SVOP: variants seen among roughly 807,000 people sequenced by gnomAD.
SVOP encodes the protein SV2 related protein, also known as synaptic vesicle 2-related protein.
A neutral mutation model predicts 69.1 loss-of-function variants in SVOP; 17 were observed. The ratio of observed to expected loss-of-function variants is 0.25; its 90% confidence interval spans 0.17 to 0.37. The LOEUF is 0.37. SVOP is among the 10% of genes least tolerant of loss of function. The pLI, the probability that SVOP is intolerant of heterozygous loss-of-function variation, is 1.00. For missense variants in SVOP, 435 were observed against 597.5 expected (o/e 0.73, Z 2.84); for synonymous variants, 238 against 238.6 (o/e 1.00, Z 0.02).
intron 10 of SVOP, among the ~76,000 whole-genome samples, chr12:108,934,658 A>G (rs572802743): frequency 1.3e-5 from 2 of 152,334 alleles, no homozygotes; most frequent in African/African-American, 4.8e-5. Flanking sequence ...CCTTGCTGAT[A>G]AAGCAGGTTG....
chr12:108,969,450 C>T (rs1383267435), intron 5 of SVOP, among the ~76,000 whole-genome samples: 2 of 150,664 alleles, frequency 1.3e-5, no homozygotes, highest in South Asian at 2.1e-4. Context: ...GGCACGATCT[C>T]GGCTCCTGAG....
chr12:108,990,270 C>T (rs2040192210), intron 1 of SVOP, among the ~76,000 whole-genome samples: 1 of 152,154 alleles, frequency 6.6e-6, no homozygotes, highest in Non-Finnish European at 1.5e-5. Context: ...CTACAAAGGA[C>T]ATGAACTCAT....
intron 5 of SVOP, among the ~76,000 whole-genome samples, chr12:108,964,850 C>T (rs569988208): frequency 2.6e-5 from 4 of 152,148 alleles, no homozygotes; most frequent in Non-Finnish European, 4.4e-5. Context: ...ATTGAGCATC[C>T]CCTTTATATA....
chr12:108,988,588 A>T (rs1055957817), intron 1 of SVOP, among the ~76,000 whole-genome samples: 2 of 152,098 alleles, frequency 1.3e-5, no homozygotes, highest in South Asian at 4.1e-4. Context: ...ATTGATCTGT[A>T]TGTCTATCCT....
intron 13 of SVOP, among the ~76,000 whole-genome samples, chr12:108,918,886 C>G (rs1029310632): frequency 6.6e-6 from 1 of 152,126 alleles, no homozygotes; most frequent in African/African-American, 2.4e-5. Context: ...GACTACAACC[C>G]CCATCAGAGA....
intron 1 of SVOP, among the ~76,000 whole-genome samples, chr12:108,999,655 A>T (rs879892654): frequency 6.1e-5 from 9 of 147,390 alleles, no homozygotes; most frequent in Non-Finnish European, 1.1e-4. Context: ...AGGATTAAGA[A>T]TCTCACTCAA....
intron 1 of SVOP, among the ~76,000 whole-genome samples, chr12:108,996,763 C>T (rs2040235049): frequency 6.6e-6 from 1 of 152,052 alleles, no homozygotes; most frequent in African/African-American, 2.4e-5. Context: ...AGACCTCCGT[C>T]TCTACAAAAA....
chr12:108,962,008 C>T (rs1282835969), intron 5 of SVOP, among the ~76,000 whole-genome samples: 2 of 152,134 alleles, frequency 1.3e-5, no homozygotes, highest in Non-Finnish European at 2.9e-5. Context: ...AGGCAGTTTC[C>T]TGTGCGGGCA....
intron 6 of SVOP, among the ~76,000 whole-genome samples, chr12:108,946,832 C>T (rs1229729533): frequency 1.3e-5 from 2 of 151,990 alleles, no homozygotes; most frequent in Non-Finnish European, 1.5e-5. Context: ...AATTCTCCCA[C>T]CTCAGCCTCC....
chr12:108,993,260 G>A (rs1174838441), intron 1 of SVOP, among the ~76,000 whole-genome samples: 4 of 151,586 alleles, frequency 2.6e-5, no homozygotes, highest in East Asian at 1.9e-4. Context: ...CACCTACCTC[G>A]GACTCCCAAA....
At chr12:109,011,933 A>G (rs978985260) in intron 1 of SVOP, among the ~76,000 whole-genome samples, 3 of 152,122 alleles carry the variant, frequency 2.0e-5, no homozygotes, top group Non-Finnish European at 4.4e-5. Flanking sequence ...TGGAATGGTG[A>G]TTACCAGGAG....
chr12:108,928,024 G>T (rs2039792315), intron 11 of SVOP, among the ~76,000 whole-genome samples: 1 of 151,728 alleles, frequency 6.6e-6, no homozygotes. Context: ...TCCTGACTTG[G>T]CCTCCCGAGT....
At chr12:108,964,384 C>T (rs1254207883) in intron 5 of SVOP, among the ~76,000 whole-genome samples, 4 of 151,796 alleles carry the variant, frequency 2.6e-5, no homozygotes, top group African/African-American at 9.7e-5. Context: ...CTTAAGCTAA[C>T]TTAATAGGGA....
intron 4 of SVOP, among the ~76,000 whole-genome samples, chr12:108,976,060 G>C (rs1371754228): frequency 6.6e-6 from 1 of 152,068 alleles, no homozygotes; most frequent in Non-Finnish European, 1.5e-5. Flanking sequence ...AAGTATCATG[G>C]ACTCAGCCCC....
intron 1 of SVOP, among the ~76,000 whole-genome samples, chr12:109,000,138 G>C (rs7134041): frequency 1.3e-5 from 2 of 151,996 alleles, no homozygotes; most frequent in African/African-American, 4.8e-5. Flanking sequence ...TATCAGCACC[G>C]ATCCCACAGA....
At chr12:108,918,407 C>T (rs2039727474) in intron 13 of SVOP, among the ~76,000 whole-genome samples, 1 of 152,214 alleles carries the variant, frequency 6.6e-6, no homozygotes, top group Non-Finnish European at 1.5e-5. Context: ...TAGTGGAAAG[C>T]TCAGACAGGA....
chr12:109,004,027 T>A (rs564110099), intron 1 of SVOP, among the ~76,000 whole-genome samples: 113 of 152,298 alleles, frequency 7.4e-4, no homozygotes, highest in Non-Finnish European at 1.3e-3. Context: ...ACCTTTGACA[T>A]TGAATTGTAC....
At chr12:108,973,261 G>T (rs1007764022) in intron 4 of SVOP, among the ~76,000 whole-genome samples, 1 of 152,230 alleles carries the variant, frequency 6.6e-6, no homozygotes, top group East Asian at 1.9e-4. Context: ...CCAGAGAGGG[G>T]AGGGCACAGA....
intron 5 of SVOP, among the ~76,000 whole-genome samples, chr12:108,964,797 C>T (rs897188984): frequency 6.6e-6 from 1 of 152,120 alleles, no homozygotes; most frequent in East Asian, 1.9e-4. Flanking sequence ...TAGCTCCTTC[C>T]TTCCTTCTTT....
Sources: allele counts gnomAD v4.1 joint callset (sites outside exome capture counted in the v4.1 genomes callset), GRCh38; gene constraint gnomAD v4.1.1; transcripts MANE v1.5; gene names NCBI Gene and HGNC (gene_info 2026-07-23, HGNC 2026-07-21).